MSRB3: variants seen among roughly 807,000 people sequenced by gnomAD.
MSRB3 encodes the protein methionine-R-sulfoxide reductase B3.
MSRB3 carries 13 observed loss-of-function variants against 21.0 expected under a neutral mutation model. That is an observed-to-expected ratio of 0.62 (90% CI 0.40 to 0.98). The LOEUF is 0.98. MSRB3 is among the 50% of genes least tolerant of loss of function. MSRB3 has a pLI of 0.00. For synonymous variants in MSRB3, 87 were observed against 88.6 expected (o/e 0.98, Z 0.10); for missense variants, 199 against 230.3 (o/e 0.86, Z 0.88).
rs915047786 is a variant in MSRB3, at chr12:65,342,561, A to C, written c.263+13958A>C. Among the ~76,000 whole-genome samples, 39 of 152,130 alleles carry C rather than the reference A, an allele frequency of 2.6e-4. 1 individual carries two copies. The highest frequency in any genetic ancestry group is 1.3e-4 in the Admixed American group (2 of 15,258). On this transcript the variant is annotated intron_variant, in intron 4 of 6. Transcript: ENST00000308259. Reference sequence around the variant, plus strand: ...AATTGGTAGTACCTTTCTGGATAGCAGTGTAATAAATTATTAAAAGTCTTA... The same window carrying C: ...AATTGGTAGTACCTTTCTGGATAGCCGTGTAATAAATTATTAAAAGTCTTA...
chr12:65,343,266 A>G (rs533938404), intron 4 of MSRB3, among the ~76,000 whole-genome samples: 1 of 152,162 alleles, frequency 6.6e-6, no homozygotes, highest in Admixed American at 6.6e-5. Context: ...ATCTCTTCTA[A>G]GTTGTTGCTG....
intron 4 of MSRB3, among the ~76,000 whole-genome samples, chr12:65,363,095 C>T (rs1307937895): frequency 1.3e-5 from 2 of 152,198 alleles, no homozygotes; most frequent in African/African-American, 4.8e-5. Flanking sequence ...CCTGCTCCTT[C>T]TAACAGTTGC....
chr12:65,463,569 A>G lies in MSRB3; in HGVS notation c.*247A>G, dbSNP rs751038475. ...TGTGAAACTTCTTCACAAGCCACTT[A>G]TACCCTTTGGCATTCTTTTCTTTGA... On this transcript the variant is annotated 3_prime_UTR_variant, in exon 7 of 7. Transcript: ENST00000308259. The G allele has an allele frequency of 2.0e-6, 1 of 491,792 alleles. No homozygotes were observed. Among genetic ancestry groups the G allele is most frequent in the Admixed American group, 3.5e-5 (1 of 28,284 alleles). The allele number at this position is 491,792 out of a possible 1,614,324, so 30.5% of individuals were successfully genotyped here. A position where few individuals can be genotyped will look rare whatever the true frequency, so the allele number is the denominator to read the frequency against.
At chr12:65,352,693 A>G (rs568052432) in intron 4 of MSRB3, among the ~76,000 whole-genome samples, 61 of 151,914 alleles carry the variant, frequency 4.0e-4, no homozygotes, top group African/African-American at 1.3e-3. Flanking sequence ...GAGCCAAATT[A>G]TGAGTGAACT....
At chr12:65,350,076 T>G (rs920346420) in intron 4 of MSRB3, among the ~76,000 whole-genome samples, 9 of 152,012 alleles carry the variant, frequency 5.9e-5, no homozygotes, top group African/African-American at 1.2e-4. Flanking sequence ...CATCTTGAAT[T>G]GATTTTTGTA....
chr12:65,353,063 A>T (rs1592555767), intron 4 of MSRB3, among the ~76,000 whole-genome samples: 1 of 152,146 alleles, frequency 6.6e-6, no homozygotes, highest in Non-Finnish European at 1.5e-5. Context: ...CCTGAGTTCT[A>T]GTTTGATCGC....
At chr12:65,427,745 G>C (rs1881673863) in intron 5 of MSRB3, among the ~76,000 whole-genome samples, 1 of 152,174 alleles carries the variant, frequency 6.6e-6, no homozygotes, top group Non-Finnish European at 1.5e-5. Flanking sequence ...AAGTAGCCGG[G>C]GAGTCAAAAA....
chr12:65,337,179 C>T (rs1344682941), intron 4 of MSRB3, among the ~76,000 whole-genome samples: 1 of 151,712 alleles, frequency 6.6e-6, no homozygotes, highest in Non-Finnish European at 1.5e-5. Context: ...GAAGGCGGAG[C>T]TTGCAGTGAG....
At chr12:65,300,394 G>C (rs1452376737) in intron 1 of MSRB3, among the ~76,000 whole-genome samples, 2 of 152,140 alleles carry the variant, frequency 1.3e-5, no homozygotes, top group Non-Finnish European at 2.9e-5. Flanking sequence ...AGGATAGAAG[G>C]GATGACTAAT....
At chr12:65,391,379 A>G (rs1356480692) in intron 5 of MSRB3, among the ~76,000 whole-genome samples, 1 of 152,218 alleles carries the variant, frequency 6.6e-6, no homozygotes, top group Non-Finnish European at 1.5e-5. Context: ...AATGTGAGAA[A>G]GTGATTAGTG....
intron 5 of MSRB3, among the ~76,000 whole-genome samples, chr12:65,399,861 A>T (rs946585866): frequency 6.6e-6 from 1 of 152,176 alleles, no homozygotes; most frequent in Non-Finnish European, 1.5e-5. Context: ...TGAGATAATC[A>T]TGTGTTTTTT....
chr12:65,326,793 AG>A, intron 2 of MSRB3, 32 bp from the exon 3 acceptor site: 1 of 1,552,336 alleles, frequency 6.4e-7, no homozygotes. Context: ...CAAGCTAAAA[AG>A]GCTTCTTCTC....
intron 4 of MSRB3, among the ~76,000 whole-genome samples, chr12:65,351,226 G>A (rs1389463936): frequency 4.6e-5 from 7 of 151,234 alleles, no homozygotes; most frequent in African/African-American, 1.2e-4. Context: ...GATACATAAC[G>A]AAATGAAGGC....
chr12:65,380,622 G>A (rs1424865628), intron 5 of MSRB3, among the ~76,000 whole-genome samples: 1 of 152,018 alleles, frequency 6.6e-6, no homozygotes, highest in Non-Finnish European at 1.5e-5. Context: ...TAATAATAAC[G>A]ACAATGACAG....
intron 4 of MSRB3, among the ~76,000 whole-genome samples, chr12:65,329,935 C>T (rs927728591): frequency 5.9e-5 from 9 of 152,088 alleles, no homozygotes; most frequent in Non-Finnish European, 8.8e-5. Flanking sequence ...GTTAAAAAAC[C>T]GACCCTTCAA....
chr12:65,304,594 C>G (rs1873537629), intron 1 of MSRB3, among the ~76,000 whole-genome samples: 2 of 152,106 alleles, frequency 1.3e-5, no homozygotes, highest in South Asian at 2.1e-4. Flanking sequence ...TGTCATTCAT[C>G]CATGTAGTTA....
chr12:65,420,275 C>T lies in MSRB3; in HGVS notation c.293-33453C>T, dbSNP rs111376393. 3.2e-3 allele frequency among the ~76,000 whole-genome samples: 488 copies of T among 151,882 alleles called. 5 individuals are homozygous for T. The highest frequency in any genetic ancestry group is 0.011 in the African/African-American group (458 of 41,428). On this transcript the variant is annotated intron_variant, in intron 5 of 6. Transcript: ENST00000308259. ...TGTGTGTTTTTATGCCAGTACCATG[C>T]TGTTTTGTTTACTCTTGCTTTGTAG...
Position 65,453,965 on chromosome 12 carries a change from C to G in MSRB3, c.390+140C>G, listed in dbSNP as rs574394183. On this transcript the variant is annotated intron_variant, in intron 6 of 6. Coordinates refer to ENST00000308259, the MANE Select transcript of MSRB3 (RefSeq NM_001031679.3). ...AGTTTATATGAAGTCCGATGGATGC[C>G]TATGTTCAGGTGTTTAGCAAGTCTA... 4.1e-6 allele frequency: 3 copies of G among 734,276 alleles called. No homozygotes were observed. The East Asian group carries it at 7.9e-5, about 19-fold the overall frequency. The allele number at this position is 734,276 out of a possible 1,614,324, so 45.5% of individuals were successfully genotyped here. A position where few individuals can be genotyped will look rare whatever the true frequency, so the allele number is the denominator to read the frequency against.
chr12:65,395,292 C>A (rs1044632509), intron 5 of MSRB3, among the ~76,000 whole-genome samples: 2 of 152,008 alleles, frequency 1.3e-5, no homozygotes, highest in East Asian at 3.9e-4. Context: ...CATGGTGAAA[C>A]CCTGTCACTA....
Sources: gnomAD v4.1 joint callset for allele counts (sites outside exome capture counted in the v4.1 genomes callset) on GRCh38, gnomAD v4.1.1 for gene constraint, MANE v1.5 for transcripts, NCBI Gene and HGNC (gene_info 2026-07-23, HGNC 2026-07-21) for gene names.